The following ZNF839 variants were observed in gnomAD, a reference collection of about 807,000 sequenced individuals.
ZNF839 encodes the protein renal carcinoma antigen NY-REN-50.
In ZNF839, 38 loss-of-function variants were observed where a neutral mutation model predicts 56.4. That is an observed-to-expected ratio of 0.67 (90% confidence interval 0.52 to 0.88). ZNF839 has a LOEUF of 0.88. Among genes scored for constraint, ZNF839 ranks in the 40% least tolerant of loss-of-function variants. ZNF839 has a pLI of 0.00. For synonymous variants in ZNF839, 486 were observed against 493.5 expected (o/e 0.98, Z 0.20); for missense variants, 1,091 against 1,177.6 (o/e 0.93, Z 1.08).
At position 102,326,544 on chromosome 14, in the gene ZNF839, A is replaced by C; in HGVS notation, c.848A>C (p.Tyr283Ser). 6.2e-7 allele frequency: 1 copy of C among 1,613,994 alleles called. No individual in the cohort carries two copies. The highest frequency in any genetic ancestry group is 8.5e-7 in the Non-Finnish European group (1 of 1,179,868). Reference sequence around the variant, plus strand: ...GGTCATCTGTCAGATTCTGATGATTACTCAGAACTCTGTGTGGAAGAAGAT... The same window carrying C: ...GGTCATCTGTCAGATTCTGATGATTCCTCAGAACTCTGTGTGGAAGAAGAT... ...ADGHLSDSDD[Y>S]SELCVEEDED... is the part of the protein sequence containing the mutation. The change falls in exon 2 of 8, where the codon TAC (tyrosine) becomes TCC (serine). Residue 283 changes from tyrosine to serine, a missense_variant. Transcript: ENST00000442396. This position sits in a 1 kb window ranked among gnomAD's most constrained non-coding sequence, Gnocchi z 4.3.
At chr14:102,325,884 T>A in intron 1 of ZNF839, 101 bp from the exon 2 acceptor site, 1 of 1,358,060 alleles carries the variant, frequency 7.4e-7, no homozygotes, top group South Asian at 1.3e-5. Flanking sequence ...AAGATGTAAT[T>A]TAGAAAAAAT....
At chr14:102,329,928 G>T (rs1396759015) in intron 2 of ZNF839, among the ~76,000 whole-genome samples, 4 of 149,100 alleles carry the variant, frequency 2.7e-5, no homozygotes, top group Non-Finnish European at 6.0e-5. Flanking sequence ...CGAGTAGGTG[G>T]GATTACAGGT....
In ZNF839 at chr14:102,341,459, G is replaced by C; in HGVS notation, c.2064G>C (p.Arg688Ser). Residue 688 changes from arginine to serine, a missense_variant, in exon 8 of 8, where the codon AGG (arginine) becomes AGC (serine). By Grantham distance (110) the Arg-to-Ser change is moderately radical. Transcript: ENST00000442396. ...CACTGGCTAACTTAGAAGCCAGGAG[G>C]GGGTCTATAGGTGCTGCTCTCTCAT... ...LQALANLEARRGSIGAALSSR... is the reference protein window; with the variant it reads ...LQALANLEARSGSIGAALSSR... 1 of 1,594,330 alleles carries C rather than the reference G, an allele frequency of 6.3e-7. No homozygotes were observed. Among genetic ancestry groups the C allele is most frequent in the African/African-American group, 1.3e-5 (1 of 74,422 alleles).
At chr14:102,319,458 C>A, upstream of ZNF839, 1 of 248,310 alleles carries the variant, frequency 4.0e-6, no homozygotes, top group Non-Finnish European at 7.7e-6. The surrounding 1 kb of genome is among the most constrained non-coding windows in gnomAD (Gnocchi z 4.5). Context: ...AACTTTTGGG[C>A]CAGGGGCTCT....
intron 3 of ZNF839, among the ~76,000 whole-genome samples, chr14:102,333,380 T>C (rs944841794): frequency 3.3e-5 from 5 of 150,498 alleles, no homozygotes; most frequent in African/African-American, 1.2e-4. Context: ...TGCATCAGCC[T>C]CCCGAGTAGC....
At chr14:102,329,732 T>C (rs1259773081) in intron 2 of ZNF839, among the ~76,000 whole-genome samples, 3 of 151,626 alleles carry the variant, frequency 2.0e-5, no homozygotes, top group African/African-American at 7.3e-5. Flanking sequence ...TGTGTATGTG[T>C]GTGTGTAATC....
chr14:102,339,014 T>G (rs1422649705), intron 6 of ZNF839, 61 bp downstream of exon 6: 16 of 1,613,416 alleles, frequency 9.9e-6, no homozygotes, highest in African/African-American at 4.0e-5. Context: ...TGGTTTGGCT[T>G]CTTCTGTTCA....
chr14:102,335,980 A>G, intron 5 of ZNF839, 142 bp downstream of exon 5: 5 of 948,476 alleles, frequency 5.3e-6, no homozygotes, highest in Non-Finnish European at 7.7e-6. Context: ...GGAGTTTGAG[A>G]CCAGCCTGGC....
At chr14:102,334,847 A>G (rs115622840) in intron 4 of ZNF839, 5 of 230,988 alleles carry the variant, frequency 2.2e-5, no homozygotes, top group African/African-American at 6.9e-5. Context: ...GTCTCTAGCA[A>G]TCCTTCCACC....
In ZNF839 at chr14:102,319,938, C is replaced by T. The variant is rs891709223; in HGVS notation, c.173C>T (p.Pro58Leu). 2.5e-6 allele frequency: 3 copies of T among 1,207,992 alleles called. No individual in the cohort carries two copies. The highest frequency in any genetic ancestry group is 3.2e-5 in the African/African-American group (2 of 61,842). 74.8% of individuals were successfully genotyped at this position (1,207,992 alleles called of 1,614,324 possible). The change falls in exon 1 of 8, where the codon CCC (proline) becomes CTC (leucine). Residue 58 changes from proline to leucine, a missense_variant. Pro to Leu is a moderately conservative substitution (Grantham distance 98). Coordinates refer to ENST00000442396, the MANE Select transcript of ZNF839 (RefSeq NM_018335.6). This position sits in a 1 kb window ranked among gnomAD's most constrained non-coding sequence, Gnocchi z 4.5. Reference protein sequence around the residue: ...VTKAQPPPPPPPFVLRDAARR... With the variant: ...VTKAQPPPPPLPFVLRDAARR... ...AAGGCGCAGCCGCCGCCGCCGCCGC[C>T]CCCCTTCGTGCTGCGGGACGCGGCG...
intron 1 of ZNF839, among the ~76,000 whole-genome samples, chr14:102,320,497 C>T (rs1365890051): frequency 1.3e-5 from 2 of 152,162 alleles, no homozygotes; most frequent in Non-Finnish European, 2.9e-5. Flanking sequence ...ACGGGGGCTG[C>T]TTTAGAGTGG....
intron 7 of ZNF839, among the ~76,000 whole-genome samples, chr14:102,339,641 C>T (rs1023905920): frequency 1.3e-5 from 2 of 152,056 alleles, no homozygotes; most frequent in African/African-American, 2.4e-5. Context: ...CCAGCTACTT[C>T]GGAGGCTGAG....
intron 2 of ZNF839, 76 bp from the exon 3 acceptor site, chr14:102,331,546 G>A (rs1236719209): frequency 2.1e-5 from 28 of 1,317,046 alleles, no homozygotes; most frequent in Admixed American, 1.1e-4. Context: ...CACGGCGCCC[G>A]GCCACTAAAA....
chr14:102,326,762 C>T lies in ZNF839; in HGVS notation c.1066C>T (p.Leu356Phe), dbSNP rs746344287. The T allele has an allele frequency of 2.5e-6, 4 of 1,613,034 alleles. No homozygotes were observed. The highest frequency in any genetic ancestry group is 2.2e-5 in the East Asian group (1 of 44,858). ...VLSEKASGST[L>F]RGCTEERTLS... is the part of the protein sequence containing the mutation. ...GTCTGAGAAAGCCAGTGGAAGCACC[C>T]TCCGGGGGTGCACGGAGGAAAGGAC... Residue 356 changes from leucine (L) to phenylalanine (F), a missense_variant, in exon 2 of 8, where the codon CTC becomes TTC. By Grantham distance (22) the Leu-to-Phe change is conservative (BLOSUM62 0). Around this residue, in one of 3 missense-constraint regions of ZNF839, gnomAD observed 614 missense variants for 629.2 expected, o/e 0.98. Coordinates refer to ENST00000442396, the MANE Select transcript of ZNF839 (RefSeq NM_018335.6). The surrounding 1 kb of genome is among the most constrained non-coding windows in gnomAD (Gnocchi z 4.3).
chr14:102,331,749 C>T lies in ZNF839; in HGVS notation c.1319C>T (p.Thr440Ile). 6.2e-7 allele frequency: 1 copy of T among 1,604,162 alleles called. No homozygotes were observed. Among genetic ancestry groups the T allele is most frequent in the Non-Finnish European group, 8.5e-7 (1 of 1,175,410 alleles). The change falls in exon 3 of 8, where the codon ACA becomes ATA. Residue 440 changes from threonine (T) to isoleucine (I), a missense_variant. Physicochemically the swap from Thr to Ile is moderately conservative, Grantham distance 89. Coordinates refer to ENST00000442396, the MANE Select transcript of ZNF839 (RefSeq NM_018335.6). The stretch of plus-strand genomic sequence containing the variant: ...TCAGAGACCCTTGCAGAGTCCCGCA[C>T]AGCTGTCCTCCAGCAGAGAAGAGCT... ...ACSETLAESR[T>I]AVLQQRRAAQ...
chr14:102,329,191 G>A lies in ZNF839; in HGVS notation c.1191+2304G>A, dbSNP rs184051881. Among the ~76,000 whole-genome samples, 14 of 151,972 alleles carry A rather than the reference G, an allele frequency of 9.2e-5. No individual in the cohort carries two copies. The East Asian group carries it at 2.7e-3, about 30-fold the overall frequency. On this transcript the variant is annotated intron_variant, in intron 2 of 7. Coordinates refer to ENST00000442396, the MANE Select transcript of ZNF839 (RefSeq NM_018335.6). ...TCACCATGTTAGCCAAGATGGTCTC[G>A]ATCGCTTGACCTTGTGATCCACCGC...
intron 7 of ZNF839, chr14:102,341,113 A>T: frequency 1.9e-5 from 6 of 318,374 alleles, no homozygotes; most frequent in East Asian, 5.4e-5. Flanking sequence ...TGGCTCTTAG[A>T]GCATATTTTT....
At chr14:102,335,648 C>T in intron 4 of ZNF839, 41 bp from the exon 5 acceptor site, 1 of 1,548,162 alleles carries the variant, frequency 6.5e-7, no homozygotes, top group Non-Finnish European at 8.6e-7. Flanking sequence ...ATATCAGTGC[C>T]TTGAGTTTAA....
chr14:102,317,954 G>A (rs1287380616), upstream of ZNF839, among the ~76,000 whole-genome samples: 1 of 152,178 alleles, frequency 6.6e-6, no homozygotes, highest in Non-Finnish European at 1.5e-5. Context: ...TTTTATGTCA[G>A]GATCCGGCAA....
Sources: gnomAD v4.1 joint callset for allele counts (sites outside exome capture counted in the v4.1 genomes callset) on GRCh38, gnomAD v4.1.1 for gene constraint, gnomAD v4.1.1 regional missense constraint, Gnocchi (gnomAD v3.1) non-coding constraint, MANE v1.5 for transcripts, NCBI Gene and HGNC (gene_info 2026-07-23, HGNC 2026-07-21) for gene names.